Variants in ARHGEF33 observed in about 807,000 individuals in gnomAD.
ARHGEF33 encodes Rho guanine nucleotide exchange factor 33, also known as DH and coiled-coil domain-containing protein ENSP00000381780.
In ARHGEF33, 72 loss-of-function variants were observed where a neutral mutation model predicts 101.9. That is an observed-to-expected ratio of 0.71 (90% confidence interval 0.58 to 0.86). ARHGEF33 has a LOEUF of 0.86. ARHGEF33 is among the 40% of genes least tolerant of loss of function. The probability of loss-of-function intolerance (pLI) is 0.00; values close to 1 mark genes in which losing one functional copy is unlikely to be tolerated. For missense variants in ARHGEF33, 1,169 were observed against 1,111.3 expected (o/e 1.05, Z -0.74); for synonymous variants, 499 against 442.5 (o/e 1.13, Z -1.60).
intron 9 of ARHGEF33, among the ~76,000 whole-genome samples, chr2:38,938,745 T>C (rs1194793636): frequency 6.6e-6 from 1 of 152,178 alleles, no homozygotes; most frequent in Non-Finnish European, 1.5e-5. Flanking sequence ...TGCCAGTCAA[T>C]ATCCACCCAA....
chr2:38,959,780 G>C, intron 15 of ARHGEF33, 61 bp from the exon 16 acceptor site: 2 of 1,445,582 alleles, frequency 1.4e-6, no homozygotes, highest in Non-Finnish European at 1.8e-6. Context: ...GCCGGCAGGC[G>C]AGAGGCCTGC....
Position 38,919,587 on chromosome 2 carries a change from A to G in ARHGEF33, c.25+115A>G, listed in dbSNP as rs559158182. 21 of 1,067,756 alleles carry G rather than the reference A, an allele frequency of 2.0e-5. No individual in the cohort carries two copies. The African/African-American group carries it at 2.2e-4, about 11-fold the overall frequency. 66.1% of individuals were successfully genotyped at this position (1,067,756 alleles called of 1,614,324 possible). On this transcript the variant is annotated intron_variant, in intron 3 of 17. Transcript: ENST00000409978. ...GTATGTTAACTATTTTCATTTCCCT[A>G]TCATCATATAATGACTATGAAGAAT...
intron 8 of ARHGEF33, 31 bp downstream of exon 8, chr2:38,935,865 T>C (rs1219944642): frequency 1.1e-5 from 16 of 1,490,894 alleles, no homozygotes; most frequent in Non-Finnish European, 1.4e-5. Context: ...TTTTCTTTTC[T>C]TCCAGCAATT....
chr2:38,899,109 G>A (rs190976793), intron 2 of ARHGEF33, among the ~76,000 whole-genome samples: 21 of 151,924 alleles, frequency 1.4e-4, no homozygotes, highest in Admixed American at 5.9e-4. Flanking sequence ...AGAAATAATT[G>A]ATTATAAACA....
chr2:38,962,737 G>C (rs554500380), intron 16 of ARHGEF33, among the ~76,000 whole-genome samples: 1 of 151,060 alleles, frequency 6.6e-6, no homozygotes, highest in East Asian at 1.9e-4. Flanking sequence ...GGTTGTGGCC[G>C]GGTGCGGTGG....
rs947986061 is a variant in ARHGEF33 at position 38,914,944 on chromosome 2, AT to A, written c.-85-4409del. On this transcript the variant is annotated intron_variant, in intron 2 of 17. Coordinates refer to ENST00000409978, the MANE Select transcript of ARHGEF33 (RefSeq NM_001145451.5). Reference sequence around the variant, plus strand: ...AAAACAGTATAAATAATAATGGTCCATTTTTTTTTTAATTTTTAAAAAGTTT... The same window carrying A: ...AAAACAGTATAAATAATAATGGTCCATTTTTTTTTAATTTTTAAAAAGTTT... Among the ~76,000 whole-genome samples, 34 of 149,692 alleles carry A rather than the reference AT, an allele frequency of 2.3e-4. 1 individual carries two copies. The highest frequency in any genetic ancestry group is 3.9e-4 in the East Asian group (2 of 5,112).
intron 2 of ARHGEF33, among the ~76,000 whole-genome samples, chr2:38,896,274 G>T (rs1214590214): frequency 1.3e-5 from 2 of 152,122 alleles, no homozygotes; most frequent in African/African-American, 4.8e-5. Flanking sequence ...GAGTAGCTGG[G>T]ATTACAGGCT....
At chr2:38,938,159 C>T (rs1056308541) in intron 9 of ARHGEF33, among the ~76,000 whole-genome samples, 1 of 152,138 alleles carries the variant, frequency 6.6e-6, no homozygotes, top group African/African-American at 2.4e-5. Context: ...GTACTTGCTT[C>T]CATGTTTTCT....
At chr2:38,892,682 T>G (rs1443215050) in intron 1 of ARHGEF33, among the ~76,000 whole-genome samples, 1 of 152,222 alleles carries the variant, frequency 6.6e-6, no homozygotes, top group African/African-American at 2.4e-5. Context: ...TTCAAATAAG[T>G]TAGAGTAATT....
Position 38,929,747 on chromosome 2 carries a change from C to G in ARHGEF33, c.279C>G (p.Ile93Met), listed in dbSNP as rs1558431490. ...LSNAMSMIQAITSKQEEMQQK... is the reference protein window; with the variant it reads ...LSNAMSMIQAMTSKQEEMQQK... ...ATGCCATGTCGATGATCCAAGCCAT[C>G]ACTTCCAAACAAGAAGAAATGCAAC... Residue 93 changes from isoleucine (I) to methionine (M), a missense_variant, in exon 6 of 18, where the codon ATC (isoleucine) becomes ATG (methionine). Transcript: ENST00000409978. 1 of 1,551,802 alleles carries G rather than the reference C, an allele frequency of 6.4e-7. No homozygotes were observed. Among genetic ancestry groups the G allele is most frequent in the Non-Finnish European group, 8.7e-7 (1 of 1,146,818 alleles).
chr2:38,960,536 C>T lies in ARHGEF33; in HGVS notation c.2231C>T (p.Ala744Val). Residue 744 changes from alanine to valine, a missense_variant, in exon 16 of 18, where the codon GCG becomes GTG. Physicochemically the swap from Ala to Val is moderately conservative, Grantham distance 64. Transcript: ENST00000409978. ...GCGCCCATCAAGGCCGAGCGCGCCG[C>T]GCAGGCGCACGGCCCGGCCGCCGCC... ...GRAPIKAERA[A>V]QAHGPAAAAV... The T allele has an allele frequency of 8.0e-7, 1 of 1,252,484 alleles. No homozygotes were observed. Among genetic ancestry groups the T allele is most frequent in the South Asian group, 3.0e-5 (1 of 33,182 alleles). 77.6% of individuals were successfully genotyped at this position (1,252,484 alleles called of 1,614,324 possible). A position where few individuals can be genotyped will look rare whatever the true frequency, so the allele number is the denominator to read the frequency against.
chr2:38,957,878 T>G, intron 14 of ARHGEF33, 156 bp from the exon 15 acceptor site: 1 of 878,420 alleles, frequency 1.1e-6, no homozygotes, highest in African/African-American at 1.7e-5. Context: ...TGCACCCTAT[T>G]AAGCAAAGCA....
At chr2:38,921,594 G>A (rs1255960596) in intron 4 of ARHGEF33, among the ~76,000 whole-genome samples, 171 bp downstream of exon 4, 2 of 152,160 alleles carry the variant, frequency 1.3e-5, no homozygotes, top group South Asian at 2.1e-4. Context: ...CACTCACAGT[G>A]TACTTTGGAG....
chr2:38,931,230 C>G lies in ARHGEF33; in HGVS notation c.484C>G (p.Pro162Ala), dbSNP rs190587324. 51 of 1,548,444 alleles carry G rather than the reference C, an allele frequency of 3.3e-5. No homozygotes were observed. In the East Asian group the frequency reaches 1.2e-3, roughly 36 times the overall value. ...LPSEDFTNLL[P>A]SQAYEKAQES... ...AAGCGAAGACTTTACCAACCTTTTGCCTTCTCAGGCCTACGAGAAAGGTAC... is the reference window on the plus strand; with the variant it reads ...AAGCGAAGACTTTACCAACCTTTTGGCTTCTCAGGCCTACGAGAAAGGTAC... Residue 162 changes from proline (P) to alanine (A), a missense_variant, in exon 7 of 18, where the codon CCT becomes GCT. Physicochemically the swap from Pro to Ala is conservative, Grantham distance 27. Transcript: ENST00000409978.
chr2:38,893,690 C>G (rs922272538), intron 1 of ARHGEF33, among the ~76,000 whole-genome samples: 1 of 152,216 alleles, frequency 6.6e-6, no homozygotes, highest in African/African-American at 2.4e-5. Context: ...GGCATCCTTT[C>G]ATTTCTCCTA....
intron 2 of ARHGEF33, among the ~76,000 whole-genome samples, chr2:38,918,445 G>T (rs1193185685): frequency 1.3e-5 from 2 of 152,236 alleles, no homozygotes; most frequent in East Asian, 3.9e-4. Context: ...ACAGTGGGAG[G>T]CATCTGATCA....
At chr2:38,932,155 C>A (rs1667019726) in intron 7 of ARHGEF33, among the ~76,000 whole-genome samples, 1 of 152,104 alleles carries the variant, frequency 6.6e-6, no homozygotes, top group African/African-American at 2.4e-5. Flanking sequence ...CAGAGTCTCG[C>A]TCTGTCACCC....
chr2:38,928,907 T>C lies in ARHGEF33; in HGVS notation c.76T>C (p.Leu26=). 1 of 1,547,392 alleles carries C rather than the reference T, an allele frequency of 6.5e-7. No individual in the cohort carries two copies. The highest frequency in any genetic ancestry group is 8.7e-7 in the Non-Finnish European group (1 of 1,145,288). Residue 26 remains leucine, a splice_region_variant and synonymous_variant, in exon 5 of 18, where the codon TTG becomes CTG. Coordinates refer to ENST00000409978, the MANE Select transcript of ARHGEF33 (RefSeq NM_001145451.5). The stretch of plus-strand genomic sequence containing the variant: ...AATTAACTTTTCATGCATTATTTAG[T>C]TGCAGGCCCTAGCCTCCGAACTCAA... The part of the protein sequence containing the change: ...VNNPSTQIYQ[L]QALASELKTG...
intron 17 of ARHGEF33, chr2:38,972,091 G>A: frequency 1.6e-6 from 1 of 635,418 alleles, no homozygotes; most frequent in Admixed American, 2.6e-5. Flanking sequence ...TCCTGTGGGG[G>A]AACAAGAAGA....
Sources: gnomAD v4.1 joint callset for allele counts (sites outside exome capture counted in the v4.1 genomes callset) on GRCh38, gnomAD v4.1.1 for gene constraint, MANE v1.5 for transcripts, NCBI Gene and HGNC (gene_info 2026-07-23, HGNC 2026-07-21) for gene names.